ZRANB1: variants seen among roughly 807,000 people sequenced by gnomAD.
ZRANB1 encodes the protein ubiquitin thioesterase ZRANB1.
In ZRANB1, 16 loss-of-function variants were observed where a neutral mutation model predicts 80.5. The ratio of observed to expected loss-of-function variants is 0.20; its 90% confidence interval spans 0.13 to 0.30. The LOEUF (loss-of-function observed/expected upper bound fraction) is 0.30, where lower values mean the gene tolerates loss of function less well. Among genes scored for constraint, ZRANB1 ranks in the 10% least tolerant of loss-of-function variants. The pLI is 1.00. For synonymous variants in ZRANB1, 291 were observed against 293.1 expected, an observed-to-expected ratio of 0.99 and a Z score of 0.07; for missense variants, 576 against 862.6, an observed-to-expected ratio of 0.67 and a Z score of 4.16.
chr10:124,942,203 T>G lies in ZRANB1; in HGVS notation c.-291T>G. 6 of 1,208,526 alleles carry G rather than the reference T, an allele frequency of 5.0e-6. No individual in the cohort carries two copies. The highest frequency in any genetic ancestry group is 4.4e-5 in the East Asian group (1 of 22,680). 74.9% of individuals were successfully genotyped at this position (1,208,526 alleles called of 1,614,324 possible). A position where few individuals can be genotyped will look rare whatever the true frequency, so the allele number is the denominator to read the frequency against. On this transcript the variant is annotated 5_prime_UTR_variant, in exon 1 of 9. The change creates a premature stop within an existing upstream ORF in the 5' untranslated region. Transcript: ENST00000359653. ...CCTTCTTAGATCAAACCTCGTTATA[T>G]CTCCTGCCTATCTCTTTTGCATTCC...
At position 124,966,831 on chromosome 10, in the gene ZRANB1, T is replaced by A. The variant is rs138881588; in HGVS notation, c.1002+50T>A. The stretch of plus-strand genomic sequence containing the variant: ...GTTCTTTTATATTAAAGAAACCTGT[T>A]CTTTAGTTTTCATTTTTGATTTTAT... On this transcript the variant is annotated intron_variant, in intron 2 of 8. Transcript: ENST00000359653. The A allele has an allele frequency of 3.2e-3, 4,845 of 1,491,638 alleles. 11 individuals carry two copies. Among genetic ancestry groups the A allele is most frequent in the Non-Finnish European group, 4.0e-3 (4,379 of 1,094,628 alleles). The allele number at this position is 1,491,638 out of a possible 1,614,324, so 92.4% of individuals were successfully genotyped here. A position where few individuals can be genotyped will look rare whatever the true frequency, so the allele number is the denominator to read the frequency against.
upstream of ZRANB1, among the ~76,000 whole-genome samples, chr10:124,940,793 A>G (rs1243064980): frequency 6.6e-6 from 1 of 152,106 alleles, no homozygotes; most frequent in East Asian, 1.9e-4. Context: ...CCCGGCCAAG[A>G]TGCTGAAACC....
the ZRANB1 span, among the ~76,000 whole-genome samples, chr10:124,923,835 G>A: frequency 2.6e-5 from 4 of 151,742 alleles, no homozygotes; most frequent in Non-Finnish European, 5.9e-5. Flanking sequence ...ACTTCCCACC[G>A]GGTCCCTCCC....
chr10:124,973,569 T>C, intron 3 of ZRANB1, 76 bp from the exon 4 acceptor site: 2 of 1,288,782 alleles, frequency 1.6e-6, no homozygotes, highest in Non-Finnish European at 2.2e-6. Flanking sequence ...AGTAGGTAAT[T>C]AATAAGTGTA....
chr10:124,934,247 A>G, the ZRANB1 span, among the ~76,000 whole-genome samples: 1 of 152,128 alleles, frequency 6.6e-6, no homozygotes, highest in East Asian at 1.9e-4. Context: ...ACCTTGTCCA[A>G]CTTATCCACA....
Position 124,983,044 on chromosome 10 carries a change from G to A in ZRANB1, c.1549-131G>A. ...TTTATTATTTGAGGAATCAAATGCT[G>A]CTTTGACAATCTTTTCTTTCTTAAA... On this transcript the variant is annotated intron_variant, in intron 6 of 8. Coordinates refer to ENST00000359653, the MANE Select transcript of ZRANB1 (RefSeq NM_017580.3). The surrounding 1 kb of genome is among the most constrained non-coding windows in gnomAD (Gnocchi z 6.2). 1.1e-6 allele frequency: 1 copy of A among 876,406 alleles called. No homozygotes were observed. The highest frequency in any genetic ancestry group is 1.7e-6 in the Non-Finnish European group (1 of 591,360). 54.3% of individuals were successfully genotyped at this position (876,406 alleles called of 1,614,324 possible). A position where few individuals can be genotyped will look rare whatever the true frequency, so the allele number is the denominator to read the frequency against.
At chr10:124,957,504 C>G (rs892794915) in intron 1 of ZRANB1, among the ~76,000 whole-genome samples, 1 of 152,212 alleles carries the variant, frequency 6.6e-6, no homozygotes, top group South Asian at 2.1e-4. Context: ...ACCATTCTCT[C>G]TAGAGCTTTT....
intron 6 of ZRANB1, 120 bp downstream of exon 6, chr10:124,981,949 T>C: frequency 2.4e-6 from 3 of 1,257,620 alleles, no homozygotes; most frequent in Non-Finnish European, 3.4e-6. Flanking sequence ...CTTGACGTGG[T>C]ATCATCAGTC....
intron 5 of ZRANB1, among the ~76,000 whole-genome samples, chr10:124,977,568 A>G (rs1470540329): frequency 1.3e-5 from 2 of 152,010 alleles, no homozygotes; most frequent in East Asian, 1.9e-4. Context: ...AAATTTAGCC[A>G]GGCGTGGTAG....
At chr10:124,938,102 T>C (rs1178560833), upstream of ZRANB1, among the ~76,000 whole-genome samples, 4 of 152,226 alleles carry the variant, frequency 2.6e-5, no homozygotes, top group African/African-American at 9.6e-5. Context: ...CTTAAAGTGA[T>C]ATTTGGTAAG....
chr10:124,984,936 C>T lies in ZRANB1; in HGVS notation c.2071C>T (p.Arg691Trp), dbSNP rs761222098. The change falls in exon 9 of 9, where the codon CGG (arginine) becomes TGG (tryptophan). Residue 691 changes from arginine (R) to tryptophan (W), a missense_variant. By Grantham distance (101) the Arg-to-Trp change is moderately radical. This residue lies in a region of ZRANB1 where 152 missense variants were observed against 221.9 expected (regional missense o/e 0.69). Transcript: ENST00000359653. ...EKWLDRYRQIRPCTSLSDGEE... is the reference protein window; with the variant it reads ...EKWLDRYRQIWPCTSLSDGEE... ...ATGGCTTGACCGCTACCGACAGATC[C>T]GGCCGTGTACATCCCTGTCTGATGG... 3 of 1,613,516 alleles carry T rather than the reference C, an allele frequency of 1.9e-6. No homozygotes were observed. Among genetic ancestry groups the T allele is most frequent in the Non-Finnish European group, 2.5e-6 (3 of 1,179,936 alleles).
chr10:124,942,667 CGAA>C lies in ZRANB1; in HGVS notation c.176_178del (p.Glu59del). On this transcript the variant is annotated inframe_deletion, in exon 1 of 9. Coordinates refer to ENST00000359653, the MANE Select transcript of ZRANB1 (RefSeq NM_017580.3). ...GTAGAGATTGGGATCCTTCCAGCACCGAAGGAGGAAGTAGTCCTTTGATATGTC... is the reference window on the plus strand; with the variant it reads ...GTAGAGATTGGGATCCTTCCAGCACCGGAGGAAGTAGTCCTTTGATATGTC... 2 of 1,614,134 alleles carry C rather than the reference CGAA, an allele frequency of 1.2e-6. No homozygotes were observed. Among genetic ancestry groups the C allele is most frequent in the Non-Finnish European group, 1.7e-6 (2 of 1,180,022 alleles).
At chr10:124,951,632 C>T (rs1428711159) in intron 1 of ZRANB1, among the ~76,000 whole-genome samples, 1 of 151,952 alleles carries the variant, frequency 6.6e-6, no homozygotes, top group Non-Finnish European at 1.5e-5. Flanking sequence ...TGATGACTTA[C>T]CTGAAGGCAC....
At chr10:124,960,018 G>T (rs1284078116) in intron 1 of ZRANB1, among the ~76,000 whole-genome samples, 1 of 152,194 alleles carries the variant, frequency 6.6e-6, no homozygotes, top group East Asian at 1.9e-4. Flanking sequence ...AGTTTAGAAA[G>T]CCAGATTTTT....
upstream of ZRANB1, chr10:124,940,657 G>A (rs1044607371): frequency 1.6e-6 from 1 of 627,848 alleles, no homozygotes; most frequent in Non-Finnish European, 2.5e-6. Context: ...TGGCAGGCAG[G>A]AACATAATAC....
At chr10:124,936,136 A>G in the ZRANB1 span, among the ~76,000 whole-genome samples, 1 of 152,228 alleles carries the variant, frequency 6.6e-6, no homozygotes, top group South Asian at 2.1e-4. Context: ...TGACACATGC[A>G]TGAGTCGGGC....
At chr10:124,933,773 A>C in the ZRANB1 span, among the ~76,000 whole-genome samples, 1 of 152,238 alleles carries the variant, frequency 6.6e-6, no homozygotes, top group Non-Finnish European at 1.5e-5. Context: ...ACTATGCTCT[A>C]AGATAGGTTC....
At chr10:124,963,132 G>A (rs1209326859) in intron 1 of ZRANB1, among the ~76,000 whole-genome samples, 1 of 152,026 alleles carries the variant, frequency 6.6e-6, no homozygotes, top group African/African-American at 2.4e-5. Flanking sequence ...TAGGTGTGGT[G>A]GTGTGCGCCA....
chr10:124,968,071 T>C (rs1368543921), intron 2 of ZRANB1, among the ~76,000 whole-genome samples: 1 of 152,044 alleles, frequency 6.6e-6, no homozygotes, highest in Non-Finnish European at 1.5e-5. Flanking sequence ...GCTAATTTTG[T>C]ATTTTTAGAA....
Sources: allele counts gnomAD v4.1 joint callset (sites outside exome capture counted in the v4.1 genomes callset), GRCh38; gene constraint gnomAD v4.1.1; regional missense constraint gnomAD v4.1.1; non-coding constraint Gnocchi (gnomAD v3.1); transcripts MANE v1.5; gene names NCBI Gene and HGNC (gene_info 2026-07-23, HGNC 2026-07-21).